The following WWC2 variants were observed in gnomAD, a reference collection of about 807,000 sequenced individuals.
WWC2 encodes WW and C2 domain containing 2.
WWC2 carries 101 observed loss-of-function variants against 138.5 expected under a neutral mutation model. The ratio of observed to expected loss-of-function variants is 0.73; its 90% CI spans 0.62 to 0.86. The LOEUF (loss-of-function observed/expected upper bound fraction) is 0.86, where lower values mean the gene tolerates loss of function less well. Ranked by LOEUF, WWC2 falls within the 40% of genes least tolerant of loss-of-function variation. The pLI is 0.00. For synonymous variants in WWC2, 558 were observed against 538.4 expected, an observed-to-expected ratio of 1.04 and a Z score of -0.50; for missense variants, 1,420 against 1,419.4, an observed-to-expected ratio of 1.00 and a Z score of -0.01.
In WWC2 at chr4:183,264,991, A is replaced by G. The variant is rs754642274; in HGVS notation, c.1923A>G (p.Ser641=). 6 of 1,612,736 alleles carry G rather than the reference A, an allele frequency of 3.7e-6. No individual in the cohort carries two copies. Among genetic ancestry groups the G allele is most frequent in the Non-Finnish European group, 2.5e-6 (3 of 1,179,232 alleles). Residue 641 remains serine, a synonymous_variant, in exon 12 of 23, where the codon TCA becomes TCG. Transcript: ENST00000403733. ...TCCCCTCCATAGATGTGGAAAAATC[A>G]TTACCAAAAAGAAGAGTGATCCACT... ...LYEGTADVEK[S]LPKRRVIHLL... is the part of the protein sequence containing the mutation.
intron 16 of WWC2, among the ~76,000 whole-genome samples, chr4:183,275,324 G>A (rs1229089009): frequency 6.6e-6 from 1 of 151,694 alleles, no homozygotes; most frequent in Non-Finnish European, 1.5e-5. Context: ...ATTTGCCCTG[G>A]CTAGAACTTC....
chr4:183,265,543 G>A, intron 12 of WWC2, 145 bp from the exon 13 acceptor site: 3 of 845,770 alleles, frequency 3.5e-6, no homozygotes, highest in African/African-American at 1.7e-5. Flanking sequence ...GAAACAGTAA[G>A]CTTTCGCTGG....
intron 4 of WWC2, among the ~76,000 whole-genome samples, chr4:183,230,061 G>A (rs1736196003): frequency 6.6e-6 from 1 of 151,968 alleles, no homozygotes; most frequent in African/African-American, 2.4e-5. Context: ...CTGGGCTCAG[G>A]CAATCTTCCT....
rs1192297768 is a variant in WWC2, at chr4:183,231,258, C to CTTTT, written c.523-8899_523-8896dup. Among the ~76,000 whole-genome samples the CTTTT allele has an allele frequency of 7.7e-4, 58 of 75,334 alleles. 1 individual carries two copies. The highest frequency in any genetic ancestry group is 1.0e-3 in the African/African-American group (17 of 16,842). The allele number at this position is 75,334 out of a possible 152,430, so 49.4% of individuals were successfully genotyped here. A position where few individuals can be genotyped will look rare whatever the true frequency, so the allele number is the denominator to read the frequency against. On this transcript the variant is annotated intron_variant, in intron 4 of 22. Coordinates refer to ENST00000403733, the MANE Select transcript of WWC2 (RefSeq NM_024949.6). The stretch of plus-strand genomic sequence containing the variant: ...ATTATTCCAACAGATACAGTGAAAG[C>CTTTT]TTTTTTTTTTTTTTTTTTTTTTTTT...
intron 1 of WWC2, among the ~76,000 whole-genome samples, chr4:183,118,925 T>G (rs1732510096): frequency 6.6e-6 from 1 of 152,154 alleles, no homozygotes; most frequent in African/African-American, 2.4e-5. Flanking sequence ...AACTTTTTTT[T>G]TTTTTGTAAT....
At chr4:183,188,561 A>G (rs1734885135) in intron 1 of WWC2, among the ~76,000 whole-genome samples, 1 of 151,092 alleles carries the variant, frequency 6.6e-6, no homozygotes, top group African/African-American at 2.4e-5. Flanking sequence ...TCTGATATCT[A>G]ATGTTTGTTT....
At position 183,319,870 on chromosome 4, in the gene WWC2, G is replaced by A. The variant is rs376068009; in HGVS notation, c.*4141G>A. 1.5e-5 allele frequency: 25 copies of A among 1,613,764 alleles called. No homozygotes were observed. Among genetic ancestry groups the A allele is most frequent in the Middle Eastern group, 3.3e-4 (2 of 6,080 alleles). On this transcript the variant is annotated 3_prime_UTR_variant, in exon 23 of 23. Coordinates refer to ENST00000403733, the MANE Select transcript of WWC2 (RefSeq NM_024949.6). The stretch of plus-strand genomic sequence containing the variant: ...AGAATTCCTCCCAGGATCAGCAGTC[G>A]CCTCTTGAGATCTCTCTGACTCTCT...
At position 183,174,507 on chromosome 4, in the gene WWC2, G is replaced by A. The variant is rs565973672; in HGVS notation, c.132-19092G>A. Reference sequence around the variant, plus strand: ...CCAAATTTTGTTGTTCTCATCCGCTGACCTTCCCATTGTCCTTTTGTGTTT... The same window carrying A: ...CCAAATTTTGTTGTTCTCATCCGCTAACCTTCCCATTGTCCTTTTGTGTTT... On this transcript the variant is annotated intron_variant, in intron 1 of 22. Transcript: ENST00000403733. Among the ~76,000 whole-genome samples the A allele has an allele frequency of 4.6e-5, 7 of 152,246 alleles. No individual in the cohort carries two copies. The South Asian group carries it at 1.0e-3, about 23-fold the overall frequency.
At chr4:183,176,857 A>G (rs993272831) in intron 1 of WWC2, among the ~76,000 whole-genome samples, 1 of 152,200 alleles carries the variant, frequency 6.6e-6, no homozygotes, top group East Asian at 1.9e-4. Flanking sequence ...CCGGCCTCAC[A>G]CTCCAGGCAG....
intron 22 of WWC2, among the ~76,000 whole-genome samples, chr4:183,313,454 C>T (rs556953851): frequency 1.7e-4 from 26 of 152,044 alleles, no homozygotes; most frequent in South Asian, 1.7e-3. Flanking sequence ...GTGGTGCCAG[C>T]GCTCGAGATG....
chr4:183,099,388 G>A lies in WWC2; in HGVS notation c.-104G>A, dbSNP rs1743080968. 4 of 1,134,592 alleles carry A rather than the reference G, an allele frequency of 3.5e-6. No individual in the cohort carries two copies. Among genetic ancestry groups the A allele is most frequent in the Non-Finnish European group, 4.4e-6 (4 of 918,792 alleles). 70.3% of individuals were successfully genotyped at this position (1,134,592 alleles called of 1,614,324 possible). A position where few individuals can be genotyped will look rare whatever the true frequency, so the allele number is the denominator to read the frequency against. ...GCCCTGCGCCCCTCAGCCCCTCGCC[G>A]GCGCCCGCGTCGCGGGTTGGCAGCC... On this transcript the variant is annotated 5_prime_UTR_variant, in exon 1 of 23. Transcript: ENST00000403733.
intron 5 of WWC2, among the ~76,000 whole-genome samples, chr4:183,244,589 A>T (rs1347740152): frequency 2.6e-5 from 4 of 151,832 alleles, no homozygotes; most frequent in African/African-American, 9.7e-5. Flanking sequence ...ATATATAGAG[A>T]GAGAGAGAGA....
At chr4:183,099,701 G>C in intron 1 of WWC2, 79 bp downstream of exon 1, 2 of 1,156,150 alleles carry the variant, frequency 1.7e-6, no homozygotes, top group Non-Finnish European at 2.1e-6. Context: ...GCGGGGGGCT[G>C]GGGCGGCGCC....
At position 183,317,941 on chromosome 4, in the gene WWC2, C is replaced by G. The variant is rs1739493242; in HGVS notation, c.*2212C>G. 2 of 152,096 alleles carry G rather than the reference C, an allele frequency of 1.3e-5. No individual in the cohort carries two copies. Among genetic ancestry groups the G allele is most frequent in the Admixed American group, 6.5e-5 (1 of 15,280 alleles). The allele number at this position is 152,096 out of a possible 1,614,324, so 9.4% of individuals were successfully genotyped here. A position where few individuals can be genotyped will look rare whatever the true frequency, so the allele number is the denominator to read the frequency against. On this transcript the variant is annotated 3_prime_UTR_variant, in exon 23 of 23. Transcript: ENST00000403733. ...AACTTATTTTAATATAATCCTTTTT[C>G]TACACTTTAAAAGTCAGCAATAGTG... is the stretch of plus-strand genomic sequence containing the variant.
chr4:183,296,500 C>G (rs984142627), intron 21 of WWC2, among the ~76,000 whole-genome samples: 4 of 152,134 alleles, frequency 2.6e-5, no homozygotes. Flanking sequence ...CTTTAGAACT[C>G]TCCTTTGTAA....
chr4:183,226,043 A>C (rs1456462564), intron 4 of WWC2, among the ~76,000 whole-genome samples: 1 of 152,138 alleles, frequency 6.6e-6, no homozygotes, highest in Non-Finnish European at 1.5e-5. Context: ...TCAATAACAA[A>C]AAGCCGAAAA....
At chr4:183,163,172 C>T (rs974624558) in intron 1 of WWC2, among the ~76,000 whole-genome samples, 1 of 152,214 alleles carries the variant, frequency 6.6e-6, no homozygotes, top group South Asian at 2.1e-4. Flanking sequence ...GACCTGTTCA[C>T]GTGGCCACAC....
At chr4:183,283,459 A>G (rs1738145388) in intron 18 of WWC2, among the ~76,000 whole-genome samples, 1 of 152,214 alleles carries the variant, frequency 6.6e-6, no homozygotes, top group Non-Finnish European at 1.5e-5. Context: ...ATGCTCACAC[A>G]CTGGGGATAT....
intron 1 of WWC2, among the ~76,000 whole-genome samples, chr4:183,153,047 C>T (rs1733690509): frequency 6.6e-6 from 1 of 152,048 alleles, no homozygotes; most frequent in African/African-American, 2.4e-5. Flanking sequence ...AGGTACATCA[C>T]ACTACACCCA....
Sources: allele counts gnomAD v4.1 joint callset (sites outside exome capture counted in the v4.1 genomes callset), GRCh38; gene constraint gnomAD v4.1.1; transcripts MANE v1.5; gene names NCBI Gene and HGNC (gene_info 2026-07-23, HGNC 2026-07-21).